LRRTM4: variants seen among roughly 807,000 people sequenced by gnomAD.
LRRTM4 encodes the protein leucine rich repeat transmembrane neuronal 4, also known as leucine-rich repeat transmembrane neuronal protein 4.
In LRRTM4, 25 loss-of-function variants were observed where a neutral mutation model predicts 47.6. The observed-to-expected ratio is 0.53, with a 90% CI of 0.38 to 0.73. LRRTM4 has a LOEUF of 0.73. Among genes scored for constraint, LRRTM4 ranks in the 30% least tolerant of loss-of-function variants. LRRTM4 has a pLI of 0.00. For missense variants in LRRTM4, 638 were observed against 713.4 expected, an observed-to-expected ratio of 0.89 and a Z score of 1.20; for synonymous variants, 311 against 269.5, an observed-to-expected ratio of 1.15 and a Z score of -1.51.
intron 3 of LRRTM4, among the ~76,000 whole-genome samples, chr2:76,848,249 A>C (rs570533364): frequency 6.6e-6 from 1 of 152,254 alleles, no homozygotes; most frequent in South Asian, 2.1e-4. Context: ...TTTCCAACAT[A>C]CTAAACACTG....
At chr2:76,796,298 A>C (rs796835947) in intron 3 of LRRTM4, among the ~76,000 whole-genome samples, 22,735 of 111,370 alleles carry the variant, frequency 0.2, 4,268 homozygotes, top group East Asian at 0.47. Flanking sequence ...GGAAGCTCCA[A>C]CTGGGTGGAG....
chr2:77,298,600 A>G (rs1285226931), intron 3 of LRRTM4, among the ~76,000 whole-genome samples: 1 of 152,208 alleles, frequency 6.6e-6, no homozygotes, highest in Non-Finnish European at 1.5e-5. Flanking sequence ...GGAACCCATG[A>G]ACAGATGTCT....
intron 3 of LRRTM4, among the ~76,000 whole-genome samples, chr2:76,984,582 C>T (rs567451987): frequency 6.6e-6 from 1 of 152,070 alleles, no homozygotes; most frequent in East Asian, 1.9e-4. Context: ...GTTCCTCCTA[C>T]CCTAAACTGT....
chr2:76,880,044 G>C (rs1383745123), intron 3 of LRRTM4, among the ~76,000 whole-genome samples: 2 of 152,206 alleles, frequency 1.3e-5, no homozygotes, highest in East Asian at 3.8e-4. Context: ...GTAGAATCTT[G>C]AGATGGAATC....
intron 3 of LRRTM4, among the ~76,000 whole-genome samples, chr2:77,295,147 A>G (rs1255900288): frequency 6.6e-6 from 1 of 152,130 alleles, no homozygotes; most frequent in African/African-American, 2.4e-5. Context: ...GCTTTCTGGA[A>G]ATGCAGATAT....
chr2:77,335,648 A>T, intron 3 of LRRTM4, among the ~76,000 whole-genome samples: 1 of 152,176 alleles, frequency 6.6e-6, no homozygotes, highest in African/African-American at 2.4e-5. Context: ...ACTTCTAAAT[A>T]ATATTCATTT....
chr2:77,459,732 T>C (rs1212418663), intron 3 of LRRTM4, among the ~76,000 whole-genome samples: 1 of 150,014 alleles, frequency 6.7e-6, no homozygotes, highest in Non-Finnish European at 1.5e-5. Context: ...ATAAGCTTCT[T>C]ACTTTTAGTG....
chr2:77,026,804 C>T (rs1678469651), intron 3 of LRRTM4, among the ~76,000 whole-genome samples: 1 of 151,978 alleles, frequency 6.6e-6, no homozygotes, highest in Admixed American at 6.6e-5. Flanking sequence ...CAATGTTAGA[C>T]TGTAGAAATA....
chr2:77,039,596 G>T (rs980244808), intron 3 of LRRTM4, among the ~76,000 whole-genome samples: 1 of 150,998 alleles, frequency 6.6e-6, no homozygotes, highest in Admixed American at 6.6e-5. Flanking sequence ...CATTTGTTAG[G>T]AAATTATCTT....
At chr2:77,248,979 G>A (rs933472151) in intron 3 of LRRTM4, among the ~76,000 whole-genome samples, 6 of 151,954 alleles carry the variant, frequency 3.9e-5, no homozygotes, top group Non-Finnish European at 7.4e-5. Flanking sequence ...GATGAACTAG[G>A]GTTGGTGATA....
intron 3 of LRRTM4, among the ~76,000 whole-genome samples, chr2:77,184,245 G>A (rs948292946): frequency 3.3e-5 from 5 of 151,966 alleles, no homozygotes; most frequent in East Asian, 1.9e-4. Flanking sequence ...AAATAAGAAC[G>A]TAAAATCACT....
At chr2:76,954,079 G>T (rs1434409261) in intron 3 of LRRTM4, among the ~76,000 whole-genome samples, 1 of 151,834 alleles carries the variant, frequency 6.6e-6, no homozygotes, top group Non-Finnish European at 1.5e-5. Flanking sequence ...GGCAGGCTGG[G>T]GGTGGTCTTT....
intron 3 of LRRTM4, among the ~76,000 whole-genome samples, chr2:76,855,454 T>C (rs143121862): frequency 5.7e-4 from 87 of 152,306 alleles, no homozygotes; most frequent in African/African-American, 2.0e-3. Context: ...AATAGATTCA[T>C]ATCAAACACT....
At chr2:77,414,680 C>G (rs183763942) in intron 3 of LRRTM4, among the ~76,000 whole-genome samples, 1 of 152,306 alleles carries the variant, frequency 6.6e-6, no homozygotes, top group African/African-American at 2.4e-5. Flanking sequence ...TCTTTGGAAA[C>G]AATGCTTACT....
At chr2:76,840,985 T>C (rs888481217) in intron 3 of LRRTM4, among the ~76,000 whole-genome samples, 3 of 151,440 alleles carry the variant, frequency 2.0e-5, no homozygotes, top group East Asian at 2.0e-4. Context: ...CGTATGTTTA[T>C]TGTGGCACTA....
intron 3 of LRRTM4, among the ~76,000 whole-genome samples, chr2:77,155,136 T>C (rs925124959): frequency 2.0e-5 from 3 of 152,052 alleles, no homozygotes; most frequent in Non-Finnish European, 2.9e-5. Flanking sequence ...GGCAGCAATG[T>C]AATACACAAA....
intron 3 of LRRTM4, among the ~76,000 whole-genome samples, chr2:77,347,874 C>A (rs144116076): frequency 1.1e-4 from 17 of 151,926 alleles, no homozygotes; most frequent in African/African-American, 3.6e-4. Flanking sequence ...TCATCTATTT[C>A]TTTATATATC....
chr2:77,237,501 C>A (rs1332008449), intron 3 of LRRTM4, among the ~76,000 whole-genome samples: 1 of 152,070 alleles, frequency 6.6e-6, no homozygotes, highest in Non-Finnish European at 1.5e-5. Context: ...ATGCACAGAA[C>A]CAACTTTCAG....
intron 3 of LRRTM4, among the ~76,000 whole-genome samples, chr2:77,170,595 C>T (rs1245422290): frequency 1.3e-5 from 2 of 152,036 alleles, no homozygotes; most frequent in African/African-American, 4.8e-5. Flanking sequence ...TTTTTGGAGT[C>T]ACGGAAAACT....
Sources: gnomAD v4.1 joint callset for allele counts (sites outside exome capture counted in the v4.1 genomes callset) on GRCh38, gnomAD v4.1.1 for gene constraint, MANE v1.5 for transcripts, NCBI Gene and HGNC (gene_info 2026-07-23, HGNC 2026-07-21) for gene names.